KCTD19: variants seen among roughly 807,000 people sequenced by gnomAD.
KCTD19 encodes the protein potassium channel tetramerization domain containing 19.
A neutral mutation model predicts 103.5 loss-of-function variants in KCTD19; 67 were observed. That is an observed-to-expected ratio of 0.65 (90% CI 0.53 to 0.79). The LOEUF (loss-of-function observed/expected upper bound fraction) is 0.79. Among genes scored for constraint, KCTD19 ranks in the 30% least tolerant of loss-of-function variants. The pLI, the probability that KCTD19 is intolerant of heterozygous loss-of-function variation, is 0.00. For missense variants in KCTD19, 980 were observed against 1,136.1 expected, an observed-to-expected ratio of 0.86 and a Z score of 1.98; for synonymous variants, 439 against 452.2, an observed-to-expected ratio of 0.97 and a Z score of 0.37.
At chr16:67,311,123 TG>T (rs1303020753) in intron 2 of KCTD19, among the ~76,000 whole-genome samples, 5 of 152,102 alleles carry the variant, frequency 3.3e-5, no homozygotes, top group African/African-American at 1.2e-4. Context: ...GTTTGTTTCA[TG>T]AAAACATGAA....
chr16:67,301,913 A>C lies in KCTD19; in HGVS notation c.653T>G (p.Leu218Arg). 6.2e-7 allele frequency: 1 copy of C among 1,614,038 alleles called. No homozygotes were observed. Among genetic ancestry groups the C allele is most frequent in the Admixed American group, 1.7e-5 (1 of 60,016 alleles). The change falls in exon 5 of 16, where the codon CTT becomes CGT. Residue 218 changes from leucine to arginine, a missense_variant. Transcript: ENST00000304372. ...CSEFRFIVNF[L>R]RSQKILLPDN... ...CGGTAGTAAAATCTTCTGTGAGCGAAGAAAATTCACTTGAAAAACAAAGGG... is the reference window on the plus strand; with the variant it reads ...CGGTAGTAAAATCTTCTGTGAGCGACGAAAATTCACTTGAAAAACAAAGGG...
rs542088131 is a variant in KCTD19 at position 67,306,777 on chromosome 16, G to A, written c.301-2206C>T. Among the ~76,000 whole-genome samples, 150 of 152,264 alleles carry A rather than the reference G, an allele frequency of 9.9e-4. 1 individual carries two copies. The highest frequency in any genetic ancestry group is 1.6e-3 in the Non-Finnish European group (110 of 68,010). On this transcript the variant is annotated intron_variant, in intron 2 of 15. Coordinates refer to ENST00000304372, the MANE Select transcript of KCTD19 (RefSeq NM_001100915.3). Reference sequence around the variant, plus strand: ...TCAATGGAGGGAGTAGGGTATACACGAAAAGAACAAGGGCTTTGAACTCAG... The same window carrying A: ...TCAATGGAGGGAGTAGGGTATACACAAAAAGAACAAGGGCTTTGAACTCAG...
intron 12 of KCTD19, 117 bp from the exon 13 acceptor site, chr16:67,291,954 A>G (rs1330275727): frequency 1.7e-6 from 1 of 581,390 alleles, no homozygotes; most frequent in Non-Finnish European, 2.8e-6. Context: ...GCTCACTGCA[A>G]CCTCTGCCTC....
chr16:67,295,590 C>T (rs937154337), intron 8 of KCTD19, 185 bp from the exon 9 acceptor site: 5 of 563,482 alleles, frequency 8.9e-6, no homozygotes, highest in Non-Finnish European at 1.5e-5. Flanking sequence ...AGCACATCAT[C>T]CCTGCTTCAA....
chr16:67,318,633 G>A (rs1347410196), intron 2 of KCTD19, among the ~76,000 whole-genome samples: 1 of 151,644 alleles, frequency 6.6e-6, no homozygotes, highest in Non-Finnish European at 1.5e-5. Flanking sequence ...GACAGCAAAG[G>A]GTTTAAAGGG....
At chr16:67,297,151 T>A (rs2036773552) in intron 7 of KCTD19, among the ~76,000 whole-genome samples, 2 of 152,298 alleles carry the variant, frequency 1.3e-5, no homozygotes, top group South Asian at 2.1e-4. Context: ...ATTTTTTGGC[T>A]GTTAAATGGA....
At chr16:67,321,271 C>T (rs893285852) in intron 1 of KCTD19, among the ~76,000 whole-genome samples, 2 of 152,156 alleles carry the variant, frequency 1.3e-5, no homozygotes, top group African/African-American at 2.4e-5. Context: ...TTTTATACTT[C>T]AGCAATGAAC....
intron 15 of KCTD19, among the ~76,000 whole-genome samples, chr16:67,290,354 G>C (rs1294132501): frequency 3.3e-5 from 5 of 151,544 alleles, no homozygotes; most frequent in African/African-American, 9.7e-5. Context: ...ATTTTTTTGT[G>C]TTTTCAGTAG....
chr16:67,297,815 G>A, intron 6 of KCTD19, 152 bp from the exon 7 acceptor site: 1 of 686,634 alleles, frequency 1.5e-6, no homozygotes, highest in Non-Finnish European at 2.3e-6. Context: ...TTTTTTAGAT[G>A]GAGTCTCACT....
At chr16:67,294,723 G>T in intron 10 of KCTD19, 29 bp from the exon 11 acceptor site, 1 of 1,493,100 alleles carries the variant, frequency 6.7e-7, no homozygotes. Context: ...GTTGGTTAGT[G>T]AGTAGAGACT....
At position 67,299,351 on chromosome 16, in the gene KCTD19, G is replaced by A; in HGVS notation, c.986+12C>T. On this transcript the variant is annotated intron_variant, in intron 6 of 15. Transcript: ENST00000304372. ...GGTGATGGGACTCAGTGTGCCCTAAGGAGGACCTCACTTGACGTGCTGAAA... is the reference window on the plus strand; with the variant it reads ...GGTGATGGGACTCAGTGTGCCCTAAAGAGGACCTCACTTGACGTGCTGAAA... 1 of 1,613,494 alleles carries A rather than the reference G, an allele frequency of 6.2e-7. No individual in the cohort carries two copies. Among genetic ancestry groups the A allele is most frequent in the Non-Finnish European group, 8.5e-7 (1 of 1,179,388 alleles).
At chr16:67,298,648 T>C (rs2036796520) in intron 6 of KCTD19, among the ~76,000 whole-genome samples, 1 of 152,224 alleles carries the variant, frequency 6.6e-6, no homozygotes, top group Admixed American at 6.5e-5. Context: ...ATGGACTTTA[T>C]GGGCTAAAAG....
At position 67,290,905 on chromosome 16, in the gene KCTD19, G is replaced by A. The variant is rs773292082; in HGVS notation, c.2647C>T (p.Arg883Cys). ...GFKDDRHTQE[R>C]LYSWVELTLP... The stretch of plus-strand genomic sequence containing the variant: ...CTCACCTCCACCCAGCTGTACAGGC[G>A]CTCCTGGGTGTGCCGGTCATCCTTG... Residue 883 changes from arginine (R) to cysteine (C), a missense_variant, in exon 15 of 16, where the codon CGC becomes TGC. Transcript: ENST00000304372. 14 of 1,613,538 alleles carry A rather than the reference G, an allele frequency of 8.7e-6. No individual in the cohort carries two copies. In the East Asian group the frequency reaches 1.8e-4, roughly 21 times the overall value.
intron 2 of KCTD19, among the ~76,000 whole-genome samples, chr16:67,309,694 T>TGGGAGAAGGCCTGTGGTG: frequency 6.6e-6 from 1 of 152,144 alleles, no homozygotes. Context: ...ATTGGCCACG[T>TGGGAGAAGGCCTGTGGTG]GGGAGAAGGC....
chr16:67,315,087 C>T lies in KCTD19; in HGVS notation c.300+5502G>A, dbSNP rs150318387. On this transcript the variant is annotated intron_variant, in intron 2 of 15. Coordinates refer to ENST00000304372, the MANE Select transcript of KCTD19 (RefSeq NM_001100915.3). ...TGTTGCCTAGGCTGGTCTCGAACTT[C>T]TGGCTTCAAGCAATCCTCCTGCCTC... 8.9e-3 allele frequency among the ~76,000 whole-genome samples: 1,357 copies of T among 152,092 alleles called. 5 individuals are homozygous for T. Among genetic ancestry groups the T allele is most frequent in the Non-Finnish European group, 0.014 (934 of 67,994 alleles).
At chr16:67,306,685 T>C (rs1180091967) in intron 2 of KCTD19, among the ~76,000 whole-genome samples, 1 of 152,210 alleles carries the variant, frequency 6.6e-6, no homozygotes, top group Non-Finnish European at 1.5e-5. Context: ...TAAAAAACTT[T>C]AGTGCTTCCT....
intron 10 of KCTD19, 95 bp downstream of exon 10, chr16:67,294,878 A>C (rs555919595): frequency 1.8e-6 from 2 of 1,120,042 alleles, no homozygotes; most frequent in South Asian, 2.6e-5. Context: ...CCCCAAGGAG[A>C]TCAGGATCCT....
chr16:67,292,198 T>A (rs1446674137), intron 12 of KCTD19, among the ~76,000 whole-genome samples: 1 of 152,134 alleles, frequency 6.6e-6, no homozygotes, highest in Non-Finnish European at 1.5e-5. Context: ...CCATCAAATC[T>A]TCATAAGCAG....
At chr16:67,291,036 T>C (rs2036684750) in intron 14 of KCTD19, 50 bp from the exon 15 acceptor site, 1 of 1,577,466 alleles carries the variant, frequency 6.3e-7, no homozygotes, top group African/African-American at 1.4e-5. Flanking sequence ...TCCTAGCCCC[T>C]CAGAGTGAGA....
Sources: allele counts gnomAD v4.1 joint callset (sites outside exome capture counted in the v4.1 genomes callset), GRCh38; gene constraint gnomAD v4.1.1; transcripts MANE v1.5; gene names NCBI Gene and HGNC (gene_info 2026-07-23, HGNC 2026-07-21).